SLC5A4: variants seen among roughly 807,000 people sequenced by gnomAD.
The protein encoded by SLC5A4 is solute carrier family 5 member 4, also known as probable glucose sensor protein SLC5A4.
Under a neutral mutation model 70.3 loss-of-function variants are expected in SLC5A4, and 55 were observed. The ratio of observed to expected loss-of-function variants is 0.78; its 90% CI spans 0.63 to 0.98. SLC5A4 has a LOEUF of 0.98. Among genes scored for constraint, SLC5A4 ranks in the 50% least tolerant of loss-of-function variants. SLC5A4 has a pLI of 0.00. For missense variants in SLC5A4, 735 were observed against 839.2 expected, an observed-to-expected ratio of 0.88 and a Z score of 1.53; for synonymous variants, 268 against 305.7, an observed-to-expected ratio of 0.88 and a Z score of 1.29.
the SLC5A4 span, among the ~76,000 whole-genome samples, chr22:32,348,964 A>C: frequency 6.6e-6 from 1 of 152,176 alleles, no homozygotes; most frequent in Admixed American, 6.5e-5. Flanking sequence ...TTCTAAGTTT[A>C]GACAAAACTC....
chr22:32,331,857 G>GGCT, the SLC5A4 span, among the ~76,000 whole-genome samples: 2 of 152,024 alleles, frequency 1.3e-5, no homozygotes, highest in Non-Finnish European at 2.9e-5. Context: ...CACGGGTGGG[G>GGCT]GCTGCTCCTC....
At chr22:32,248,694 G>A (rs1178286099) in intron 4 of SLC5A4, 49 bp downstream of exon 4, 1 of 1,229,120 alleles carries the variant, frequency 8.1e-7, no homozygotes, top group Admixed American at 1.7e-5. Context: ...TGTGCAGTGA[G>A]CAGCAGTGCC....
chr22:32,332,298 C>T, the SLC5A4 span, among the ~76,000 whole-genome samples: 32,402 of 152,208 alleles, frequency 0.21, 3,864 homozygotes, highest in African/African-American at 0.33. Context: ...TCCCCTCCTG[C>T]ACTTCCTCCC....
chr22:32,259,569 T>C (rs1463874239), upstream of SLC5A4, among the ~76,000 whole-genome samples: 4 of 152,236 alleles, frequency 2.6e-5, no homozygotes, highest in Admixed American at 2.0e-4. Context: ...TCTTGGTGTA[T>C]AATTTAATAT....
chr22:32,353,480 G>A, the SLC5A4 span, among the ~76,000 whole-genome samples: 577 of 152,172 alleles, frequency 3.8e-3, 6 homozygotes, highest in African/African-American at 0.014. Flanking sequence ...TGCATCCGCC[G>A]CGCTCCAGCA....
At chr22:32,260,375 C>T in the SLC5A4 span, among the ~76,000 whole-genome samples, 1 of 152,106 alleles carries the variant, frequency 6.6e-6, no homozygotes, top group Non-Finnish European at 1.5e-5. Context: ...CACCTCTTAT[C>T]ACTTTAGAGA....
chr22:32,339,713 C>T, the SLC5A4 span, among the ~76,000 whole-genome samples: 5 of 152,164 alleles, frequency 3.3e-5, no homozygotes, highest in African/African-American at 4.8e-5. Context: ...AAAGACAAAC[C>T]CCGAGAGCAA....
At chr22:32,223,930 T>C (rs1025098295) in intron 13 of SLC5A4, among the ~76,000 whole-genome samples, 14 of 152,206 alleles carry the variant, frequency 9.2e-5, no homozygotes, top group Non-Finnish European at 1.0e-4. Context: ...AGGAACTCTT[T>C]TTTTTTTTGA....
chr22:32,268,125 C>A, the SLC5A4 span, among the ~76,000 whole-genome samples: 1 of 152,062 alleles, frequency 6.6e-6, no homozygotes, highest in African/African-American at 2.4e-5. Context: ...AAGCTCAAGG[C>A]CCTGAGTCTT....
At chr22:32,292,591 T>C in the SLC5A4 span, among the ~76,000 whole-genome samples, 3 of 151,334 alleles carry the variant, frequency 2.0e-5, no homozygotes, top group South Asian at 2.1e-4. Context: ...GTGAGAAATA[T>C]GGTAGAAAAT....
chr22:32,246,703 T>C (rs564010731), intron 5 of SLC5A4, among the ~76,000 whole-genome samples: 119 of 152,170 alleles, frequency 7.8e-4, no homozygotes, highest in African/African-American at 2.8e-3. Flanking sequence ...AATTTTTGTA[T>C]TTTTAATAGA....
intron 12 of SLC5A4, among the ~76,000 whole-genome samples, 168 bp downstream of exon 12, chr22:32,225,487 A>G (rs1301650250): frequency 6.6e-6 from 1 of 152,190 alleles, no homozygotes; most frequent in Non-Finnish European, 1.5e-5. Context: ...TGTGCGCTAT[A>G]TTTTTATACT....
chr22:32,306,927 C>G, the SLC5A4 span, among the ~76,000 whole-genome samples: 1 of 151,928 alleles, frequency 6.6e-6, no homozygotes, highest in Non-Finnish European at 1.5e-5. Flanking sequence ...TCTTGGGCCA[C>G]CAGCTTGGTT....
chr22:32,242,675 C>T (rs1028460777), intron 5 of SLC5A4, among the ~76,000 whole-genome samples: 8 of 152,096 alleles, frequency 5.3e-5, no homozygotes, highest in African/African-American at 1.4e-4. Flanking sequence ...CACCACTGCA[C>T]TCCAGCCTGG....
chr22:32,337,495 C>T, the SLC5A4 span, among the ~76,000 whole-genome samples: 4 of 152,004 alleles, frequency 2.6e-5, no homozygotes, highest in Middle Eastern at 3.4e-3. Flanking sequence ...GATCGCACCA[C>T]GGCACTCCAG....
At chr22:32,305,410 T>C in the SLC5A4 span, among the ~76,000 whole-genome samples, 30 of 149,202 alleles carry the variant, frequency 2.0e-4, 3 homozygotes, top group Admixed American at 1.9e-3. Flanking sequence ...AGGAAAGATA[T>C]ATTTAACAAA....
At chr22:32,308,004 T>G in the SLC5A4 span, among the ~76,000 whole-genome samples, 1 of 152,136 alleles carries the variant, frequency 6.6e-6, no homozygotes, top group South Asian at 2.1e-4. Context: ...CAGTGATGGG[T>G]GGCCCTTCAA....
intron 3 of SLC5A4, 36 bp from the exon 4 acceptor site, chr22:32,248,838 A>G (rs1926981889): frequency 6.9e-7 from 1 of 1,455,088 alleles, no homozygotes; most frequent in Non-Finnish European, 9.7e-7. Context: ...GTGAGACATT[A>G]AAGAGGCTTG....
At chr22:32,220,883 G>A (rs73164039) in intron 14 of SLC5A4, 37 bp downstream of exon 14, 90,957 of 1,290,230 alleles carry the variant, frequency 0.07, 3,815 homozygotes, top group African/African-American at 0.16. Flanking sequence ...TGTGCACAGA[G>A]TTCCTACATG....
Sources: gnomAD v4.1 joint callset for allele counts (sites outside exome capture counted in the v4.1 genomes callset) on GRCh38, gnomAD v4.1.1 for gene constraint, MANE v1.5 for transcripts, NCBI Gene and HGNC (gene_info 2026-07-23, HGNC 2026-07-21) for gene names.